TCF12: variants seen among roughly 807,000 people sequenced by gnomAD.
TCF12 encodes the protein DNA-binding protein HTF4.
A neutral mutation model predicts 86.0 loss-of-function variants in TCF12; 45 were observed. The observed-to-expected ratio is 0.52, with a 90% CI of 0.41 to 0.67. The LOEUF (loss-of-function observed/expected upper bound fraction) is 0.67. TCF12 is among the 30% of genes least tolerant of loss of function. The pLI is 0.00. For synonymous variants in TCF12, 330 were observed against 299.6 expected (o/e 1.10, Z -1.05); for missense variants, 881 against 859.9 (o/e 1.02, Z -0.31).
chr15:57,262,942 G>T (rs2060656494), intron 17 of TCF12, among the ~76,000 whole-genome samples, 170 bp from the exon 18 acceptor site: 1 of 152,174 alleles, frequency 6.6e-6, no homozygotes, highest in African/African-American at 2.4e-5. Flanking sequence ...CAAGGATGTG[G>T]ATATATTCTT....
intron 5 of TCF12, among the ~76,000 whole-genome samples, chr15:57,152,516 A>G (rs1449766190): frequency 1.2e-4 from 18 of 144,930 alleles, no homozygotes; most frequent in African/African-American, 4.7e-4. Context: ...AGATGGAAAT[A>G]ATGAGTCAAG....
At chr15:57,236,088 G>A (rs1332213312) in intron 12 of TCF12, among the ~76,000 whole-genome samples, 1 of 152,146 alleles carries the variant, frequency 6.6e-6, no homozygotes, top group Non-Finnish European at 1.5e-5. Context: ...TTACTAGGCA[G>A]GAGCAGCCAG....
rs759734051 is a variant in TCF12, at chr15:57,063,733, T to C, written c.149-17T>C. 6.3e-7 allele frequency: 1 copy of C among 1,588,956 alleles called. No homozygotes were observed. Among genetic ancestry groups the C allele is most frequent in the South Asian group, 1.1e-5 (1 of 88,174 alleles). ...AGTATGTTTTTAGATATATCTTTTA[T>C]TTTCTTCTCTTTTTAGGTATTGATG... On this transcript the variant is annotated splice_polypyrimidine_tract_variant and intron_variant, in intron 3 of 20. Transcript: ENST00000333725.
intron 8 of TCF12, chr15:57,214,042 T>A (rs1460313545): frequency 6.6e-6 from 1 of 152,196 alleles, no homozygotes; most frequent in Non-Finnish European, 1.5e-5. Context: ...AGTTAATGAT[T>A]CTCTTACTGT....
chr15:57,153,997 T>TAA (rs71441455), intron 5 of TCF12, among the ~76,000 whole-genome samples: 2 of 132,808 alleles, frequency 1.5e-5, no homozygotes, highest in African/African-American at 2.8e-5. Flanking sequence ...CCTGTGTCTT[T>TAA]AAAAAAAAAA....
At chr15:57,254,964 T>G (rs1240744605) in intron 16 of TCF12, among the ~76,000 whole-genome samples, 1 of 152,074 alleles carries the variant, frequency 6.6e-6, no homozygotes, top group African/African-American at 2.4e-5. Context: ...AAAAGGAATT[T>G]GTTACAAATG....
In TCF12 at chr15:57,232,361, T is replaced by C. The variant is rs764890573; in HGVS notation, c.756T>C (p.Ile252=). The C allele has an allele frequency of 1.2e-6, 2 of 1,613,922 alleles. No homozygotes were observed. The highest frequency in any genetic ancestry group is 2.2e-5 in the South Asian group (2 of 91,036). The stretch of plus-strand genomic sequence containing the variant: ...TGAGCCAGCCTGGTTTTGGTGGAAT[T>C]CTGGGGACCTCCACTTCCCACATGT... ...NGMSQPGFGG[I]LGTSTSHMSQ... Residue 252 remains isoleucine, a synonymous_variant, in exon 10 of 21, where the codon ATT becomes ATC. Coordinates refer to ENST00000333725, the MANE Select transcript of TCF12 (RefSeq NM_207037.2).
At chr15:57,186,266 A>T (rs887397125) in intron 6 of TCF12, among the ~76,000 whole-genome samples, 2 of 152,208 alleles carry the variant, frequency 1.3e-5, no homozygotes, top group African/African-American at 2.4e-5. Flanking sequence ...TGGCAGGCTG[A>T]CGTGAGAGGA....
At chr15:56,977,622 A>T (rs557667937) in intron 3 of TCF12, among the ~76,000 whole-genome samples, 1 of 152,108 alleles carries the variant, frequency 6.6e-6, no homozygotes, top group Non-Finnish European at 1.5e-5. Flanking sequence ...CAGCGTTTGT[A>T]GCTTTGTGTG....
At chr15:57,217,142 G>A (rs932355484) in intron 8 of TCF12, among the ~76,000 whole-genome samples, 56 of 152,198 alleles carry the variant, frequency 3.7e-4, no homozygotes, top group African/African-American at 1.3e-3. Context: ...ACAATGAAAA[G>A]TAGAAGCAAA....
intron 3 of TCF12, among the ~76,000 whole-genome samples, chr15:56,983,984 T>C (rs2063020786): frequency 2.2e-5 from 1 of 46,018 alleles, no homozygotes; most frequent in Admixed American, 3.4e-4. Flanking sequence ...CCTAGGCAAC[T>C]GAGTGAGACC....
intron 3 of TCF12, among the ~76,000 whole-genome samples, chr15:56,990,863 T>C (rs980583525): frequency 2.0e-5 from 3 of 151,838 alleles, no homozygotes. Flanking sequence ...GGCATAATCA[T>C]GGCTCACTGG....
chr15:57,011,980 T>C (rs1373629030), intron 3 of TCF12, among the ~76,000 whole-genome samples: 1 of 152,210 alleles, frequency 6.6e-6, no homozygotes. Context: ...TAATGGTGTG[T>C]ATAGGAAATG....
intron 7 of TCF12, among the ~76,000 whole-genome samples, chr15:57,195,064 G>C (rs1486691338): frequency 2.0e-5 from 3 of 152,018 alleles, no homozygotes; most frequent in African/African-American, 7.2e-5. Context: ...CACTGTGCCT[G>C]GCTAATTTTT....
intron 5 of TCF12, among the ~76,000 whole-genome samples, chr15:57,157,553 C>CTTTT (rs761155684): frequency 1.5e-5 from 2 of 137,204 alleles, no homozygotes; most frequent in East Asian, 2.1e-4. Context: ...TAGTTTACTT[C>CTTTT]TTTTTTTTTT....
rs1171707504 is a variant in TCF12, at chr15:57,275,327, G to GGTGTGTGTGT, written c.1978+2092_1978+2101dup. On this transcript the variant is annotated intron_variant, in intron 19 of 20. Transcript: ENST00000333725. The stretch of plus-strand genomic sequence containing the variant: ...AGCCCAGGGATCTTTGTAAGGTAGG[G>GGTGTGTGTGT]GTGTGTGTGTGTGTGTGTGTGTGTG... 5.0e-4 allele frequency among the ~76,000 whole-genome samples: 32 copies of GGTGTGTGTGT among 64,074 alleles called. 3 individuals carry two copies. Among genetic ancestry groups the GGTGTGTGTGT allele is most frequent in the Admixed American group, 8.5e-4 (5 of 5,914 alleles). 42.0% of individuals were successfully genotyped at this position (64,074 alleles called of 152,430 possible).
chr15:57,233,040 TTA>T (rs1239944672), intron 11 of TCF12, among the ~76,000 whole-genome samples, 184 bp downstream of exon 11: 3 of 146,086 alleles, frequency 2.1e-5, no homozygotes, highest in African/African-American at 7.4e-5. Context: ...TGTATATATG[TTA>T]TATATGTATA....
chr15:57,025,589 A>G (rs2065780016), intron 3 of TCF12, among the ~76,000 whole-genome samples: 1 of 152,144 alleles, frequency 6.6e-6, no homozygotes, highest in African/African-American at 2.4e-5. Context: ...AAGTGAAGAG[A>G]AAGAGAAGAT....
chr15:57,271,306 T>G (rs374916425), intron 18 of TCF12, among the ~76,000 whole-genome samples: 1 of 152,014 alleles, frequency 6.6e-6, no homozygotes, highest in Admixed American at 6.5e-5. Context: ...TGGATGCCCC[T>G]CCCCCTGCCA....
Sources: allele counts gnomAD v4.1 joint callset (sites outside exome capture counted in the v4.1 genomes callset), GRCh38; gene constraint gnomAD v4.1.1; transcripts MANE v1.5; gene names NCBI Gene and HGNC (gene_info 2026-07-23, HGNC 2026-07-21).